MRE11: variants seen among roughly 807,000 people sequenced by gnomAD.
The protein encoded by MRE11 is MRE11 double strand break repair nuclease.
Under a neutral mutation model 91.7 loss-of-function variants are expected in MRE11, and 62 were observed. The ratio of observed to expected loss-of-function variants is 0.68; its 90% CI spans 0.55 to 0.84. The LOEUF (loss-of-function observed/expected upper bound fraction) is 0.84, where lower values mean the gene tolerates loss of function less well. Among genes scored for constraint, MRE11 ranks in the 40% least tolerant of loss-of-function variants. The pLI, the probability that MRE11 is intolerant of heterozygous loss-of-function variation, is 0.00. For missense variants in MRE11, 796 were observed against 852.9 expected (o/e 0.93, Z 0.83); for synonymous variants, 273 against 271.4 (o/e 1.01, Z -0.06).
intron 19 of MRE11, among the ~76,000 whole-genome samples, chr11:94,425,436 A>G (rs775845442): frequency 2.6e-5 from 4 of 152,214 alleles, no homozygotes; most frequent in Admixed American, 6.5e-5. Context: ...AAGCAACTAC[A>G]TAATCAAGTC....
At chr11:94,495,415 T>G (rs771763607), upstream of MRE11, among the ~76,000 whole-genome samples, 5 of 152,060 alleles carry the variant, frequency 3.3e-5, no homozygotes, top group Non-Finnish European at 5.9e-5. Flanking sequence ...TTTAAGGGGC[T>G]AAAACAAGAA....
In MRE11 at chr11:94,417,754, T is replaced by A; in HGVS notation, c.*2371A>T. On this transcript the variant is annotated 3_prime_UTR_variant, in exon 20 of 20. Transcript: ENST00000323929. The stretch of plus-strand genomic sequence containing the variant: ...CAACCATATGACTTTTCTGTATTTA[T>A]TGTATTTCCTACTTTTAAAAGTTTG... The A allele has an allele frequency of 4.3e-6, 1 of 233,134 alleles. No individual in the cohort carries two copies. Among genetic ancestry groups the A allele is most frequent in the Non-Finnish European group, 8.5e-6 (1 of 117,960 alleles). The allele number at this position is 233,134 out of a possible 1,614,324, so 14.4% of individuals were successfully genotyped here. A position where few individuals can be genotyped will look rare whatever the true frequency, so the allele number is the denominator to read the frequency against.
chr11:94,447,981 T>C (rs1007893846), intron 14 of MRE11, among the ~76,000 whole-genome samples: 2 of 151,988 alleles, frequency 1.3e-5, no homozygotes, highest in Non-Finnish European at 2.9e-5. Context: ...CCAAGAAAAA[T>C]AAAATTTTAC....
the MRE11 span, among the ~76,000 whole-genome samples, chr11:94,506,142 C>A: frequency 6.6e-6 from 1 of 151,988 alleles, no homozygotes; most frequent in Non-Finnish European, 1.5e-5. Flanking sequence ...GATAACCCAA[C>A]CATCCTGGAT....
chr11:94,471,793 G>C, intron 7 of MRE11, 34 bp from the exon 8 acceptor site: 1 of 1,540,102 alleles, frequency 6.5e-7, no homozygotes, highest in Non-Finnish European at 8.9e-7. Flanking sequence ...TAAATTCGGT[G>C]ATTAGAAAAA....
At chr11:94,501,144 ATT>A in the MRE11 span, among the ~76,000 whole-genome samples, 1 of 152,246 alleles carries the variant, frequency 6.6e-6, no homozygotes, top group African/African-American at 2.4e-5. Context: ...GTCTATCTTT[ATT>A]AAGTTCAGAA....
At chr11:94,476,236 AG>A (rs1180627741) in intron 7 of MRE11, 52 bp downstream of exon 7, 9 of 1,145,312 alleles carry the variant, frequency 7.9e-6, no homozygotes, top group African/African-American at 6.1e-5. Context: ...GCTCAGAAAC[AG>A]ATTTGGGAAG....
At chr11:94,443,120 T>G (rs1945830899) in intron 16 of MRE11, among the ~76,000 whole-genome samples, 1 of 152,234 alleles carries the variant, frequency 6.6e-6, no homozygotes, top group Non-Finnish European at 1.5e-5. Context: ...TTGATAAATG[T>G]TGAAAATTCC....
At chr11:94,484,098 G>A (rs1439678237) in intron 4 of MRE11, among the ~76,000 whole-genome samples, 3 of 152,026 alleles carry the variant, frequency 2.0e-5, no homozygotes, top group African/African-American at 4.8e-5. Flanking sequence ...AAGAAAAGGT[G>A]GGATATATCA....
At chr11:94,475,408 C>T (rs7949199) in intron 7 of MRE11, 16,782 of 325,826 alleles carry the variant, frequency 0.052, 1,668 homozygotes, top group African/African-American at 0.26. Flanking sequence ...GGTCCTGGAC[C>T]GAACACCCCC....
chr11:94,471,572 A>T lies in MRE11; in HGVS notation c.845+2T>A, dbSNP rs587781381. The T allele has an allele frequency of 6.2e-7, 1 of 1,612,058 alleles. No homozygotes were observed. The highest frequency in any genetic ancestry group is 1.7e-5 in the Admixed American group (1 of 59,910). On this transcript the variant is annotated splice_donor_variant, in intron 8 of 19. Coordinates refer to ENST00000323929, the MANE Select transcript of MRE11 (RefSeq NM_005591.4). LOFTEE classifies it high-confidence loss of function. ...AATTGGCTCAAAATATATAACACTC[A>T]CTTCTTTACAGCTTCTCCTGGGGAA...
At chr11:94,491,163 A>C (rs1947275308) in intron 2 of MRE11, among the ~76,000 whole-genome samples, 198 bp from the exon 3 acceptor site, 1 of 152,302 alleles carries the variant, frequency 6.6e-6, no homozygotes, top group African/African-American at 2.4e-5. Flanking sequence ...CTAGTTCAAT[A>C]CAGAACAAAT....
At chr11:94,448,571 A>T (rs1403431623) in intron 14 of MRE11, among the ~76,000 whole-genome samples, 1 of 152,060 alleles carries the variant, frequency 6.6e-6, no homozygotes, top group Non-Finnish European at 1.5e-5. Context: ...AGATTGCACC[A>T]CTGCACTTCA....
chr11:94,497,265 C>G, upstream of MRE11: 1 of 487,406 alleles, frequency 2.1e-6, no homozygotes, highest in Non-Finnish European at 3.6e-6. Flanking sequence ...ATACCAGGTA[C>G]CTTATTACAT....
At chr11:94,423,890 A>C (rs1945239498) in intron 19 of MRE11, among the ~76,000 whole-genome samples, 1 of 152,202 alleles carries the variant, frequency 6.6e-6, no homozygotes, top group South Asian at 2.1e-4. Flanking sequence ...AGAACACTGA[A>C]AGGAGTGAGA....
At chr11:94,439,144 A>T (rs1400862165) in intron 16 of MRE11, among the ~76,000 whole-genome samples, 2 of 152,318 alleles carry the variant, frequency 1.3e-5, no homozygotes, top group South Asian at 4.1e-4. Flanking sequence ...CCTTGTTATA[A>T]GAGAATTTGA....
intron 3 of MRE11, among the ~76,000 whole-genome samples, chr11:94,488,282 T>C (rs1017510131): frequency 1.3e-5 from 2 of 152,184 alleles, no homozygotes; most frequent in African/African-American, 4.8e-5. Flanking sequence ...TTACATTCTA[T>C]TATTGAAAAG....
chr11:94,423,826 C>T (rs2134754015), intron 19 of MRE11, among the ~76,000 whole-genome samples: 1 of 152,318 alleles, frequency 6.6e-6, no homozygotes, highest in South Asian at 2.1e-4. Flanking sequence ...ACAGCTGGGG[C>T]TGTCGAGCTA....
chr11:94,511,827 A>G, the MRE11 span, among the ~76,000 whole-genome samples: 1 of 152,372 alleles, frequency 6.6e-6, no homozygotes, highest in South Asian at 2.1e-4. Context: ...TTATGCTCCA[A>G]ATAAAACCCT....
Sources: gnomAD v4.1 joint callset for allele counts (sites outside exome capture counted in the v4.1 genomes callset) on GRCh38, gnomAD v4.1.1 for gene constraint, MANE v1.5 for transcripts, NCBI Gene and HGNC (gene_info 2026-07-23, HGNC 2026-07-21) for gene names.